The following STX8 variants were observed in gnomAD, a reference collection of about 807,000 sequenced individuals.
STX8 encodes syntaxin-8.
A neutral mutation model predicts 37.5 loss-of-function variants in STX8; 23 were observed. That is an observed-to-expected ratio of 0.61 (90% CI 0.44 to 0.87). The LOEUF (loss-of-function observed/expected upper bound fraction) is 0.87, where lower values mean the gene tolerates loss of function less well. Among genes scored for constraint, STX8 ranks in the 40% least tolerant of loss-of-function variants. The pLI is 0.00. For missense variants in STX8, 313 were observed against 284.7 expected, an observed-to-expected ratio of 1.10 and a Z score of -0.71; for synonymous variants, 115 against 99.1, an observed-to-expected ratio of 1.16 and a Z score of -0.95.
At chr17:9,384,148 G>A (rs1243489515) in intron 6 of STX8, among the ~76,000 whole-genome samples, 2 of 145,376 alleles carry the variant, frequency 1.4e-5, no homozygotes, top group Non-Finnish European at 3.0e-5. Context: ...TTCATATATT[G>A]GTTGCTCATT....
At chr17:9,316,858 T>G (rs1252214343) in intron 7 of STX8, among the ~76,000 whole-genome samples, 2 of 152,192 alleles carry the variant, frequency 1.3e-5, no homozygotes, top group African/African-American at 4.8e-5. Context: ...TAATTCCAGG[T>G]AGATAGTGTC....
At chr17:9,266,841 G>A (rs192703489) in intron 7 of STX8, among the ~76,000 whole-genome samples, 42 of 152,296 alleles carry the variant, frequency 2.8e-4, no homozygotes, top group Middle Eastern at 6.8e-3. Flanking sequence ...GCGGCCAGAC[G>A]TGGGCCTTTT....
At chr17:9,517,301 T>C (rs1905183800) in intron 4 of STX8, among the ~76,000 whole-genome samples, 1 of 152,156 alleles carries the variant, frequency 6.6e-6, no homozygotes, top group Non-Finnish European at 1.5e-5. Context: ...CCATCCTTTA[T>C]CACATTATGG....
intron 6 of STX8, among the ~76,000 whole-genome samples, chr17:9,458,296 A>C (rs1905242896): frequency 1.3e-5 from 2 of 150,854 alleles, no homozygotes; most frequent in African/African-American, 2.5e-5. Context: ...ACTACAGGCG[A>C]CCACTGCCAC....
chr17:9,520,078 A>T (rs12942433), intron 4 of STX8, among the ~76,000 whole-genome samples: 13,367 of 152,204 alleles, frequency 0.088, 644 homozygotes, highest in African/African-American at 0.11. Flanking sequence ...TTATATCCCC[A>T]GGACCAAAAC....
chr17:9,422,661 T>C (rs1273936681), intron 6 of STX8, among the ~76,000 whole-genome samples: 1 of 152,276 alleles, frequency 6.6e-6, no homozygotes, highest in Non-Finnish European at 1.5e-5. Flanking sequence ...CATTCCATTG[T>C]ATGGATATGC....
intron 6 of STX8, among the ~76,000 whole-genome samples, chr17:9,464,430 A>G (rs1378557625): frequency 6.6e-6 from 1 of 152,230 alleles, no homozygotes; most frequent in Non-Finnish European, 1.5e-5. Context: ...TCCATGCATT[A>G]CACAGAGTAG....
intron 4 of STX8, among the ~76,000 whole-genome samples, chr17:9,530,131 C>A (rs987492987): frequency 6.6e-6 from 1 of 151,996 alleles, no homozygotes; most frequent in Non-Finnish European, 1.5e-5. Context: ...CACAGTGAAA[C>A]CCCGTTTCTA....
At chr17:9,376,990 C>T (rs1369829191) in intron 7 of STX8, among the ~76,000 whole-genome samples, 2 of 152,144 alleles carry the variant, frequency 1.3e-5, no homozygotes, top group African/African-American at 4.8e-5. Flanking sequence ...AAGCACAGGG[C>T]AGGATGGTCG....
intron 4 of STX8, among the ~76,000 whole-genome samples, chr17:9,508,608 T>C (rs1460483724): frequency 6.6e-6 from 1 of 152,136 alleles, no homozygotes; most frequent in Non-Finnish European, 1.5e-5. Context: ...GGATTACAGG[T>C]GTGAGCCACC....
intron 7 of STX8, among the ~76,000 whole-genome samples, chr17:9,277,526 C>T (rs933150546): frequency 6.6e-6 from 1 of 152,060 alleles, no homozygotes; most frequent in African/African-American, 2.4e-5. Flanking sequence ...TCTGGGAATA[C>T]AACAAGGGTC....
At chr17:9,325,993 G>A (rs988025185) in intron 7 of STX8, among the ~76,000 whole-genome samples, 15 of 152,198 alleles carry the variant, frequency 9.9e-5, no homozygotes, top group African/African-American at 3.4e-4. Context: ...GGTGTCCAGC[G>A]CTAGCCATGC....
chr17:9,559,741 T>TATATATAC (rs1555537477), intron 2 of STX8, among the ~76,000 whole-genome samples: 8 of 27,258 alleles, frequency 2.9e-4, no homozygotes, highest in African/African-American at 5.1e-4. Flanking sequence ...ATTTTATATA[T>TATATATAC]ATATATATAT....
chr17:9,527,054 C>T (rs1334460723), intron 4 of STX8, among the ~76,000 whole-genome samples: 1 of 148,078 alleles, frequency 6.8e-6, no homozygotes, highest in African/African-American at 2.5e-5. Flanking sequence ...TGGCGGGCGC[C>T]TGTAGTCCCA....
chr17:9,308,218 C>T (rs1187285068), intron 7 of STX8, among the ~76,000 whole-genome samples: 2 of 152,172 alleles, frequency 1.3e-5, no homozygotes, highest in African/African-American at 4.8e-5. Context: ...CCTGTCTGCT[C>T]AGATTCCTCT....
Position 9,289,879 on chromosome 17 carries a change from A to C in STX8, c.644-39234T>G, listed in dbSNP as rs141530789. On this transcript the variant is annotated intron_variant, in intron 7 of 7. Coordinates refer to ENST00000306357, the MANE Select transcript of STX8 (RefSeq NM_004853.3). ...TGAGAAAGGAGATCTAATTACAATA[A>C]ACTACGTAGCTCTGTTAATGATATT... 6.0e-3 allele frequency among the ~76,000 whole-genome samples: 919 copies of C among 152,344 alleles called. 10 individuals carry two copies. Among genetic ancestry groups the C allele is most frequent in the African/African-American group, 0.021 (859 of 41,574 alleles).
intron 6 of STX8, among the ~76,000 whole-genome samples, chr17:9,450,569 C>T (rs1032731806): frequency 9.2e-5 from 14 of 151,870 alleles, no homozygotes; most frequent in African/African-American, 2.9e-4. Flanking sequence ...CTAGTAGCTG[C>T]GAAGCATGCA....
chr17:9,530,132 C>A (rs1325692731), intron 4 of STX8, among the ~76,000 whole-genome samples: 1 of 151,972 alleles, frequency 6.6e-6, no homozygotes, highest in Non-Finnish European at 1.5e-5. Context: ...ACAGTGAAAC[C>A]CCGTTTCTAC....
At chr17:9,479,468 A>G (rs528770006) in intron 6 of STX8, among the ~76,000 whole-genome samples, 2 of 151,696 alleles carry the variant, frequency 1.3e-5, no homozygotes, top group Admixed American at 6.6e-5. Flanking sequence ...CAGGAAGCAG[A>G]GGTTGCAGTG....
Sources: allele counts gnomAD v4.1 joint callset (sites outside exome capture counted in the v4.1 genomes callset), GRCh38; gene constraint gnomAD v4.1.1; transcripts MANE v1.5; gene names NCBI Gene and HGNC (gene_info 2026-07-23, HGNC 2026-07-21).